The following FCHSD2 variants were observed in gnomAD, a reference collection of about 807,000 sequenced individuals.
FCHSD2 encodes the protein F-BAR and double SH3 domains protein 2.
FCHSD2 carries 38 observed loss-of-function variants against 108.1 expected under a neutral mutation model. The observed-to-expected ratio is 0.35, with a 90% confidence interval of 0.27 to 0.46. FCHSD2 has a LOEUF of 0.46. FCHSD2 is among the 20% of genes least tolerant of loss of function. FCHSD2 has a pLI of 1.00. For missense variants in FCHSD2, 751 were observed against 897.8 expected (o/e 0.84, Z 2.09); for synonymous variants, 279 against 314.7 (o/e 0.89, Z 1.20).
chr11:73,004,027 T>C (rs1857683802), intron 4 of FCHSD2, among the ~76,000 whole-genome samples: 1 of 141,284 alleles, frequency 7.1e-6, no homozygotes, highest in Admixed American at 7.6e-5. Context: ...GGAGACTCGC[T>C]TGAACTGGAA....
intron 3 of FCHSD2, among the ~76,000 whole-genome samples, chr11:73,053,051 G>A (rs1366958409): frequency 1.3e-5 from 2 of 151,536 alleles, no homozygotes; most frequent in African/African-American, 4.9e-5. Flanking sequence ...TCACCATGTT[G>A]GCCAGACTAG....
intron 3 of FCHSD2, among the ~76,000 whole-genome samples, chr11:73,043,641 CT>C (rs1858692278): frequency 6.6e-6 from 1 of 152,184 alleles, no homozygotes; most frequent in South Asian, 2.1e-4. Flanking sequence ...CCATTCTCCT[CT>C]TTTCCAAGGC....
intron 3 of FCHSD2, among the ~76,000 whole-genome samples, chr11:73,063,483 C>T (rs1235520707): frequency 6.6e-6 from 1 of 152,130 alleles, no homozygotes; most frequent in African/African-American, 2.4e-5. Context: ...AATTAAAAGA[C>T]ACAGACTGGC....
At chr11:73,111,020 G>A (rs1469939856) in intron 2 of FCHSD2, among the ~76,000 whole-genome samples, 1 of 151,808 alleles carries the variant, frequency 6.6e-6, no homozygotes, top group Non-Finnish European at 1.5e-5. Flanking sequence ...TTATTCCATT[G>A]TGATCAGAGA....
At chr11:73,061,167 C>T (rs550646804) in intron 3 of FCHSD2, among the ~76,000 whole-genome samples, 55 of 152,238 alleles carry the variant, frequency 3.6e-4, no homozygotes, top group Admixed American at 1.4e-3. Context: ...GAAGGCGAGC[C>T]GAAGCAGGGT....
chr11:72,973,128 G>C (rs1441761951), intron 8 of FCHSD2, among the ~76,000 whole-genome samples: 3 of 152,100 alleles, frequency 2.0e-5, no homozygotes, highest in Non-Finnish European at 4.4e-5. Context: ...CAGCACCTTG[G>C]AGGCCAAGGC....
rs919392963 is a variant in FCHSD2 at position 73,121,192 on chromosome 11, C to T, written c.119+18839G>A. On this transcript the variant is annotated intron_variant, in intron 2 of 19. Coordinates refer to ENST00000409418, the MANE Select transcript of FCHSD2 (RefSeq NM_014824.3). ...ATACACATACACACACACACACACA[C>T]GCATGCACGCACACACACACCTCCC... Among the ~76,000 whole-genome samples, 4 of 151,898 alleles carry T rather than the reference C, an allele frequency of 2.6e-5. No homozygotes were observed. The East Asian group carries it at 5.8e-4, about 22-fold the overall frequency.
Position 72,919,933 on chromosome 11 carries a change from TA to T in FCHSD2, c.828+1894del, listed in dbSNP as rs1253040831. Among the ~76,000 whole-genome samples the T allele has an allele frequency of 3.3e-5, 5 of 151,966 alleles. No individual in the cohort carries two copies. In the East Asian group the frequency reaches 7.7e-4, roughly 23 times the overall value. On this transcript the variant is annotated intron_variant, in intron 9 of 19. Transcript: ENST00000409418. ...TCATTTCTAAATAATCATGGGTTAA[TA>T]AGGAGAAAAAAATAGATATAAAACA...
chr11:72,902,685 G>T, intron 9 of FCHSD2, 47 bp from the exon 10 acceptor site: 1 of 1,127,692 alleles, frequency 8.9e-7, no homozygotes, highest in Non-Finnish European at 1.3e-6. Flanking sequence ...AGGTTAAAAT[G>T]TCCAATTACA....
chr11:73,033,287 CA>C (rs34802040), intron 3 of FCHSD2, among the ~76,000 whole-genome samples: 214 of 114,088 alleles, frequency 1.9e-3, no homozygotes, highest in Admixed American at 2.5e-3. Flanking sequence ...GATTCCGACT[CA>C]AAAAAAAAAA....
intron 8 of FCHSD2, among the ~76,000 whole-genome samples, chr11:72,957,634 G>T (rs1398868713): frequency 1.3e-5 from 2 of 151,708 alleles, no homozygotes; most frequent in African/African-American, 2.4e-5. Context: ...TGTGTATTGG[G>T]TCTGTGGTTT....
intron 3 of FCHSD2, among the ~76,000 whole-genome samples, chr11:73,066,851 G>A (rs572919145): frequency 1.2e-3 from 177 of 152,322 alleles, no homozygotes; most frequent in African/African-American, 4.1e-3. Flanking sequence ...TGGAGAGGAT[G>A]TGGAGAAATA....
At chr11:72,944,780 T>G (rs1425254354) in intron 8 of FCHSD2, among the ~76,000 whole-genome samples, 1 of 152,188 alleles carries the variant, frequency 6.6e-6, no homozygotes, top group Non-Finnish European at 1.5e-5. Context: ...AGCCAAATCA[T>G]GAGTGAACTC....
intron 3 of FCHSD2, among the ~76,000 whole-genome samples, chr11:73,063,963 C>G (rs1859229184): frequency 6.6e-6 from 1 of 152,170 alleles, no homozygotes; most frequent in South Asian, 2.1e-4. Context: ...ACAGAACTCT[C>G]CACCCCAAAA....
intron 2 of FCHSD2, among the ~76,000 whole-genome samples, chr11:73,096,987 A>ATTTTTTTTTTTT (rs60223064): frequency 0.035 from 938 of 27,038 alleles, 357 homozygotes; most frequent in South Asian, 0.058. Context: ...TCATTGATGG[A>ATTTTTTTTTTTT]TTTTTTTTTT....
chr11:72,849,948 C>T (rs573708461), intron 13 of FCHSD2, 59 bp from the exon 14 acceptor site: 13 of 1,361,212 alleles, frequency 9.6e-6, no homozygotes, highest in South Asian at 3.7e-5. Context: ...GGTTGAAAGC[C>T]GGAAAAACAC....
chr11:72,957,167 G>A (rs1444519949), intron 8 of FCHSD2, among the ~76,000 whole-genome samples: 2 of 145,842 alleles, frequency 1.4e-5, no homozygotes, highest in Non-Finnish European at 3.0e-5. Context: ...ATATCTCCCA[G>A]TGCTATCCCT....
At chr11:72,994,997 C>T (rs1441621918) in intron 5 of FCHSD2, among the ~76,000 whole-genome samples, 1 of 152,136 alleles carries the variant, frequency 6.6e-6, no homozygotes, top group African/African-American at 2.4e-5. Context: ...CCCATTTCTC[C>T]CCACTTCCAA....
rs556709403 is a variant in FCHSD2, at chr11:73,017,400, C to T, written c.166-1515G>A. On this transcript the variant is annotated intron_variant, in intron 3 of 19. Transcript: ENST00000409418. ...TTTCTATACACGTAACTAAAAAGAA[C>T]ACAATGCTGAAATGAAGAACAATCA... Among the ~76,000 whole-genome samples the T allele has an allele frequency of 1.3e-4, 20 of 152,278 alleles. No individual in the cohort carries two copies. In the East Asian group the frequency reaches 3.9e-3, roughly 29 times the overall value.
Sources: allele counts gnomAD v4.1 joint callset (sites outside exome capture counted in the v4.1 genomes callset), GRCh38; gene constraint gnomAD v4.1.1; transcripts MANE v1.5; gene names NCBI Gene and HGNC (gene_info 2026-07-23, HGNC 2026-07-21).